Variants in IL22RA1 observed in about 807,000 individuals in gnomAD.
IL22RA1 encodes interleukin-22 receptor subunit alpha-1.
In IL22RA1, 25 loss-of-function variants were observed where a neutral mutation model predicts 32.8. The ratio of observed to expected loss-of-function variants is 0.76; its 90% CI spans 0.55 to 1.06. IL22RA1 has a LOEUF of 1.06. Ranked by LOEUF, IL22RA1 falls within the 50% of genes least tolerant of loss-of-function variation. IL22RA1 has a pLI of 0.00. For synonymous variants in IL22RA1, 305 were observed against 305.0 expected (o/e 1.00, Z 0.00); for missense variants, 709 against 727.4 (o/e 0.97, Z 0.29).
At chr1:24,124,038 A>G (rs1200572479) in intron 5 of IL22RA1, among the ~76,000 whole-genome samples, 3 of 152,242 alleles carry the variant, frequency 2.0e-5, no homozygotes, top group Admixed American at 2.0e-4. Flanking sequence ...TCAGGGTCCC[A>G]GGTACTCACA....
chr1:24,140,773 G>A (rs12748951), intron 1 of IL22RA1, among the ~76,000 whole-genome samples: 92,432 of 151,860 alleles, frequency 0.61, 30,512 homozygotes, highest in East Asian at 0.98. Context: ...CTCGGAGCTC[G>A]GAGGCCCTGG....
At chr1:24,142,835 C>T (rs1372128700) in intron 1 of IL22RA1, among the ~76,000 whole-genome samples, 2 of 152,222 alleles carry the variant, frequency 1.3e-5, no homozygotes, top group Non-Finnish European at 2.9e-5. Context: ...CCTGGAAGAA[C>T]CCAGGGTCTG....
chr1:24,122,519 G>A (rs1644132019), intron 6 of IL22RA1, among the ~76,000 whole-genome samples: 1 of 152,260 alleles, frequency 6.6e-6, no homozygotes, highest in Admixed American at 6.5e-5. Flanking sequence ...AAAATGGCCA[G>A]GTGCAGTGGC....
intron 1 of IL22RA1, among the ~76,000 whole-genome samples, chr1:24,141,638 G>A (rs1644281928): frequency 6.6e-6 from 1 of 152,088 alleles, no homozygotes; most frequent in Admixed American, 6.5e-5. Context: ...GTCTTTTAGG[G>A]ATGTCAGGGT....
intron 6 of IL22RA1, among the ~76,000 whole-genome samples, chr1:24,122,491 A>G (rs1644131794): frequency 6.6e-6 from 1 of 152,178 alleles, no homozygotes. Context: ...TAGTTTTGCC[A>G]TTTAAAAATT....
chr1:24,123,459 G>C (rs1179536977), intron 5 of IL22RA1, 36 bp from the exon 6 acceptor site: 2 of 1,604,666 alleles, frequency 1.2e-6, no homozygotes, highest in Non-Finnish European at 1.7e-6. Context: ...GGAAGCGTGA[G>C]GCTGGGCTCT....
At position 24,138,466 on chromosome 1, in the gene IL22RA1, G is replaced by T. The variant is rs1569582280; in HGVS notation, c.176+116C>A. 3.7e-6 allele frequency: 4 copies of T among 1,073,200 alleles called. No homozygotes were observed. In the East Asian group the frequency reaches 9.8e-5, roughly 26 times the overall value. 66.5% of individuals were successfully genotyped at this position (1,073,200 alleles called of 1,614,324 possible). On this transcript the variant is annotated intron_variant, in intron 2 of 6. Coordinates refer to ENST00000270800, the MANE Select transcript of IL22RA1 (RefSeq NM_021258.4). The stretch of plus-strand genomic sequence containing the variant: ...AGGAGCAAAGCTTTATCTGGGAGGG[G>T]CTATGTGACACCAGTCCTGGTGGGG...
intron 3 of IL22RA1, among the ~76,000 whole-genome samples, chr1:24,136,037 C>T (rs1417226957): frequency 1.3e-5 from 2 of 152,206 alleles, no homozygotes; most frequent in Admixed American, 6.5e-5. Flanking sequence ...TCACTGCAGT[C>T]TTGACCTCCT....
At chr1:24,122,655 TGTG>T (rs1397553219) in intron 6 of IL22RA1, among the ~76,000 whole-genome samples, 19 of 151,580 alleles carry the variant, frequency 1.3e-4, no homozygotes, top group Non-Finnish European at 2.1e-4. Context: ...ATTAGCCAGG[TGTG>T]GTGGTGGTGC....
rs565339804 is a variant in IL22RA1 at position 24,138,627 on chromosome 1, C to T, written c.131G>A (p.Gly44Glu). Reference protein sequence around the residue: ...NFENILTWDSGPEGTPDTVYS... With the variant: ...NFENILTWDSEPEGTPDTVYS... Reference sequence around the variant, plus strand: ...GACCGTGTCTGGGGTGCCCTCCGGCCCGCTGTCCCACGTCAGGATGTTTTC... The same window carrying T: ...GACCGTGTCTGGGGTGCCCTCCGGCTCGCTGTCCCACGTCAGGATGTTTTC... The change falls in exon 2 of 7, where the codon GGG becomes GAG. Residue 44 changes from glycine (G) to glutamate (E), a missense_variant. Gly to Glu is a moderately conservative substitution (Grantham distance 98, BLOSUM62 -2). Transcript: ENST00000270800. 4.3e-6 allele frequency: 7 copies of T among 1,613,980 alleles called. No individual in the cohort carries two copies. The South Asian group carries it at 5.5e-5, about 13-fold the overall frequency.
chr1:24,129,628 A>G (rs1644191891), intron 4 of IL22RA1, among the ~76,000 whole-genome samples: 1 of 151,814 alleles, frequency 6.6e-6, no homozygotes, highest in South Asian at 2.1e-4. Context: ...AAGGGCCAGA[A>G]CCTGTGTTCT....
chr1:24,121,305 C>A lies in IL22RA1; in HGVS notation c.1225G>T (p.Gly409Cys), dbSNP rs756633371. Residue 409 changes from glycine (G) to cysteine (C), a missense_variant, in exon 7 of 7, where the codon GGT becomes TGT. Transcript: ENST00000270800. ...CCAGTGGGGGAGTCTTTGCCAGAAC[C>A]TTCCATGCATACCCCATAGGAGGGA... ...WPPSYGVCME[G>C]SGKDSPTGTL... The A allele has an allele frequency of 9.3e-6, 15 of 1,613,438 alleles. No homozygotes were observed. Among genetic ancestry groups the A allele is most frequent in the Non-Finnish European group, 1.2e-5 (14 of 1,179,652 alleles).
At chr1:24,128,101 T>C (rs376051408) in intron 5 of IL22RA1, 40 bp downstream of exon 5, 718 of 1,488,482 alleles carry the variant, frequency 4.8e-4, no homozygotes, top group Non-Finnish European at 6.0e-4. Context: ...AAGACTTGAA[T>C]TCGGGAGCCC....
At chr1:24,139,271 T>C (rs1644264451) in intron 1 of IL22RA1, among the ~76,000 whole-genome samples, 1 of 152,226 alleles carries the variant, frequency 6.6e-6, no homozygotes, top group Non-Finnish European at 1.5e-5. Context: ...TAGCATGGAT[T>C]AGTACTTCCT....
Position 24,134,276 on chromosome 1 carries a change from G to C in IL22RA1, c.466C>G (p.Leu156Val). The change falls in exon 4 of 7, where the codon CTG becomes GTG. Residue 156 changes from leucine to valine, a missense_variant. Coordinates refer to ENST00000270800, the MANE Select transcript of IL22RA1 (RefSeq NM_021258.4). Reference sequence around the variant, plus strand: ...AACAGGTCATGGAAGATGTCTTCCAGGGTTAGCCGGTGGCCATCGCCTGCA... The same window carrying C: ...AACAGGTCATGGAAGATGTCTTCCACGGTTAGCCGGTGGCCATCGCCTGCA... ...IRAGDGHRLTLEDIFHDLFYH... is the reference protein window; with the variant it reads ...IRAGDGHRLTVEDIFHDLFYH... 1 of 1,611,358 alleles carries C rather than the reference G, an allele frequency of 6.2e-7. No individual in the cohort carries two copies. Among genetic ancestry groups the C allele is most frequent in the Non-Finnish European group, 8.5e-7 (1 of 1,178,620 alleles).
At position 24,123,012 on chromosome 1, in the gene IL22RA1, C is replaced by A. The variant is rs781049334; in HGVS notation, c.792+290G>T. 8.5e-4 allele frequency among the ~76,000 whole-genome samples: 130 copies of A among 152,296 alleles called. 1 individual carries two copies. Among genetic ancestry groups the A allele is most frequent in the Non-Finnish European group, 1.4e-3 (95 of 68,018 alleles). ...CCACCATTCCTCCCTCGTTGCCTTG[C>A]TGCTCACTCAAGTCCCACACTACCC... On this transcript the variant is annotated intron_variant, in intron 6 of 6. Transcript: ENST00000270800.
At chr1:24,132,941 T>C (rs1477705112) in intron 4 of IL22RA1, among the ~76,000 whole-genome samples, 2 of 151,822 alleles carry the variant, frequency 1.3e-5, no homozygotes, top group Non-Finnish European at 2.9e-5. Flanking sequence ...GAGCTGGATT[T>C]GAATCCTGTC....
In IL22RA1 at chr1:24,123,431, A is replaced by G. The variant is rs777987724; in HGVS notation, c.671-8T>C. 1.1e-5 allele frequency: 17 copies of G among 1,612,326 alleles called. 2 individuals are homozygous for G. The South Asian group carries it at 1.8e-4, about 17-fold the overall frequency. ...AGTAGGTCCATGTCCGGTCTGGGAAACCAAAGGGGCCAGAGAAGGAAGCGT... is the reference window on the plus strand; with the variant it reads ...AGTAGGTCCATGTCCGGTCTGGGAAGCCAAAGGGGCCAGAGAAGGAAGCGT... On this transcript the variant is annotated splice_region_variant and splice_polypyrimidine_tract_variant and intron_variant, in intron 5 of 6. Transcript: ENST00000270800.
chr1:24,142,694 G>A (rs566692852), intron 1 of IL22RA1, among the ~76,000 whole-genome samples: 10 of 152,296 alleles, frequency 6.6e-5, no homozygotes, highest in African/African-American at 2.2e-4. Flanking sequence ...AAACTGTGCC[G>A]ACACCGTTTG....
Sources: allele counts gnomAD v4.1 joint callset (sites outside exome capture counted in the v4.1 genomes callset), GRCh38; gene constraint gnomAD v4.1.1; transcripts MANE v1.5; gene names NCBI Gene and HGNC (gene_info 2026-07-23, HGNC 2026-07-21).